Variants in RGL1 observed in about 807,000 individuals in gnomAD.
The protein encoded by RGL1 is ral guanine nucleotide dissociation stimulator like 1.
RGL1 carries 24 observed loss-of-function variants against 95.2 expected under a neutral mutation model. The observed-to-expected ratio is 0.25, with a 90% CI of 0.18 to 0.35. The LOEUF (loss-of-function observed/expected upper bound fraction) is 0.35, where lower values mean the gene tolerates loss of function less well. RGL1 is among the 10% of genes least tolerant of loss of function. The probability of loss-of-function intolerance (pLI) is 1.00; values close to 1 mark genes in which losing one functional copy is unlikely to be tolerated. For synonymous variants in RGL1, 329 were observed against 344.9 expected (o/e 0.95, Z 0.51); for missense variants, 715 against 936.3 (o/e 0.76, Z 3.08).
chr1:183,783,266 G>A (rs1423565951), intron 2 of RGL1, among the ~76,000 whole-genome samples: 1 of 152,068 alleles, frequency 6.6e-6, no homozygotes, highest in East Asian at 1.9e-4. Flanking sequence ...GATGGGAAGA[G>A]ATAAGTTCAA....
chr1:183,860,572 C>T (rs1665451767), intron 3 of RGL1, among the ~76,000 whole-genome samples: 1 of 152,154 alleles, frequency 6.6e-6, no homozygotes, highest in African/African-American at 2.4e-5. Context: ...GGCTCTTTCC[C>T]TGGAGATCTG....
chr1:183,668,994 T>A (rs186255670), intron 1 of RGL1, among the ~76,000 whole-genome samples: 1 of 146,930 alleles, frequency 6.8e-6, no homozygotes, highest in Non-Finnish European at 1.5e-5. Flanking sequence ...TGGAGTGCAG[T>A]GGCAGTGGTG....
chr1:183,751,246 C>T (rs903374514), intron 2 of RGL1, among the ~76,000 whole-genome samples: 2 of 152,246 alleles, frequency 1.3e-5, no homozygotes, highest in African/African-American at 4.8e-5. Context: ...GCCTTTCTTT[C>T]AGAGATACCC....
intron 2 of RGL1, among the ~76,000 whole-genome samples, chr1:183,796,779 T>C (rs1332439133): frequency 6.6e-6 from 1 of 152,204 alleles, no homozygotes; most frequent in Non-Finnish European, 1.5e-5. Flanking sequence ...GGTCAAAGCC[T>C]CCATGGCATC....
chr1:183,888,362 AT>A, intron 7 of RGL1, 111 bp from the exon 8 acceptor site: 3 of 683,782 alleles, frequency 4.4e-6, no homozygotes, highest in Non-Finnish European at 5.2e-6. Context: ...ACAGCTGCCT[AT>A]TTTGTGGTAA....
chr1:183,668,656 C>T (rs566111353), intron 1 of RGL1, among the ~76,000 whole-genome samples: 3 of 151,938 alleles, frequency 2.0e-5, no homozygotes, highest in African/African-American at 7.2e-5. Flanking sequence ...AATATCTATG[C>T]CTAAGCATAG....
intron 1 of RGL1, among the ~76,000 whole-genome samples, chr1:183,675,646 G>A (rs928672883): frequency 6.6e-6 from 1 of 152,076 alleles, no homozygotes; most frequent in Non-Finnish European, 1.5e-5. Context: ...GGAAACTTCT[G>A]TGTCCTGCAG....
intron 1 of RGL1, chr1:183,648,747 T>C: frequency 1.2e-6 from 2 of 1,612,754 alleles, no homozygotes; most frequent in Admixed American, 3.3e-5. Context: ...TATTGTTCCA[T>C]GATTTGCTAG....
intron 2 of RGL1, among the ~76,000 whole-genome samples, chr1:183,787,887 T>G (rs1467983090): frequency 6.6e-6 from 1 of 151,882 alleles, no homozygotes; most frequent in East Asian, 1.9e-4. Flanking sequence ...CACCACGTGA[T>G]CTCTTACAGC....
At chr1:183,776,250 G>A (rs1659592970) in intron 2 of RGL1, among the ~76,000 whole-genome samples, 1 of 145,418 alleles carries the variant, frequency 6.9e-6, no homozygotes, top group South Asian at 2.2e-4. Flanking sequence ...CCGGGTTCAC[G>A]CCATTCTCCT....
intron 2 of RGL1, among the ~76,000 whole-genome samples, chr1:183,838,695 T>C (rs1388312669): frequency 2.0e-5 from 3 of 152,250 alleles, no homozygotes; most frequent in African/African-American, 4.8e-5. Flanking sequence ...AACTGGAACG[T>C]ACACAGAAAG....
intron 2 of RGL1, among the ~76,000 whole-genome samples, chr1:183,764,010 T>G (rs1658836993): frequency 6.6e-6 from 1 of 152,216 alleles, no homozygotes; most frequent in South Asian, 2.1e-4. Context: ...GAGACTACCC[T>G]GCTAATATTT....
intron 1 of RGL1, among the ~76,000 whole-genome samples, chr1:183,692,836 G>A (rs575334008): frequency 6.6e-6 from 1 of 152,192 alleles, no homozygotes; most frequent in South Asian, 2.1e-4. Context: ...TCCTGATAGC[G>A]GTGGTGTTTA....
In RGL1 at chr1:183,916,574, G is replaced by T. The variant is rs529238635; in HGVS notation, c.1877G>T (p.Arg626Leu). The T allele has an allele frequency of 8.7e-6, 14 of 1,613,250 alleles. No homozygotes were observed. The African/African-American group carries it at 1.2e-4, about 14-fold the overall frequency. The change falls in exon 16 of 18, where the codon CGC becomes CTC. Residue 626 changes from arginine (R) to leucine (L), a missense_variant. Physicochemically the swap from Arg to Leu is moderately radical, Grantham distance 102. Transcript: ENST00000360851. ...AACAACAACCCCAAAATCCACAAGC[G>T]CTCTGTCTCGGTGACGTCCATTACC... Reference protein sequence around the residue: ...SCNNNPKIHKRSVSVTSITST... With the variant: ...SCNNNPKIHKLSVSVTSITST...
At chr1:183,685,671 A>G (rs367966759) in intron 1 of RGL1, among the ~76,000 whole-genome samples, 3 of 152,348 alleles carry the variant, frequency 2.0e-5, no homozygotes, top group South Asian at 2.1e-4. Context: ...TATCTATAAC[A>G]TAATAAGGTA....
At chr1:183,855,861 TC>T (rs1267715721) in intron 3 of RGL1, among the ~76,000 whole-genome samples, 1 of 152,222 alleles carries the variant, frequency 6.6e-6, no homozygotes, top group African/African-American at 2.4e-5. Flanking sequence ...ATGTTTAACT[TC>T]CATCACTTAC....
Position 183,717,819 on chromosome 1 carries a change from A to C in RGL1, c.-32-24307A>C, listed in dbSNP as rs12096748. ...GAAGAAGGTAAGCAGGAGGGTGGTC[A>C]AAGAAAGCCTCTCAGAGGAAGTGGC... On this transcript the variant is annotated intron_variant, in intron 1 of 18. Transcript: ENST00000304685. Among the ~76,000 whole-genome samples the C allele has an allele frequency of 1.8e-3, 274 of 152,346 alleles. 6 individuals carry two copies. The East Asian group carries it at 0.042, about 23-fold the overall frequency.
chr1:183,905,732 C>G (rs1668280863), intron 13 of RGL1, among the ~76,000 whole-genome samples: 1 of 152,166 alleles, frequency 6.6e-6, no homozygotes, highest in South Asian at 2.1e-4. Flanking sequence ...TGTCCTGTAG[C>G]CTGCTCGCTT....
chr1:183,861,694 G>A (rs1665518739), intron 3 of RGL1, among the ~76,000 whole-genome samples: 1 of 152,200 alleles, frequency 6.6e-6, no homozygotes, highest in African/African-American at 2.4e-5. Context: ...AGAGCAGTTG[G>A]TCATTGGTAA....
Sources: gnomAD v4.1 joint callset for allele counts (sites outside exome capture counted in the v4.1 genomes callset) on GRCh38, gnomAD v4.1.1 for gene constraint, MANE v1.5 for transcripts, NCBI Gene and HGNC (gene_info 2026-07-23, HGNC 2026-07-21) for gene names.